EEF1AKMT2: variants seen among roughly 807,000 people sequenced by gnomAD.
EEF1AKMT2 encodes the protein EEF1A lysine methyltransferase 2.
In EEF1AKMT2, 32 loss-of-function variants were observed where a neutral mutation model predicts 35.8. That is an observed-to-expected ratio of 0.89 (90% CI 0.67 to 1.20). The LOEUF is 1.20. EEF1AKMT2 is among the 50% of genes most tolerant of loss of function. The pLI, the probability that EEF1AKMT2 is intolerant of heterozygous loss-of-function variation, is 0.00. For missense variants in EEF1AKMT2, 330 were observed against 347.5 expected (o/e 0.95, Z 0.40); for synonymous variants, 121 against 133.7 (o/e 0.91, Z 0.65).
chr10:124,785,633 C>A (rs1430491923), intron 3 of EEF1AKMT2, among the ~76,000 whole-genome samples: 1 of 152,136 alleles, frequency 6.6e-6, no homozygotes, highest in Non-Finnish European at 1.5e-5. Context: ...GTGGCTCACG[C>A]TTGTAATCCA....
chr10:124,791,846 C>A lies in EEF1AKMT2; in HGVS notation c.-13G>T. On this transcript the variant is annotated 5_prime_UTR_variant, in exon 1 of 7. Transcript: ENST00000368836. ...CGCCCGAGCTCATTTCGCTCCACGT[C>A]CTGGACGGCCGTTGGGGCCGCCATA... 1 of 1,557,482 alleles carries A rather than the reference C, an allele frequency of 6.4e-7. No individual in the cohort carries two copies. Among genetic ancestry groups the A allele is most frequent in the Non-Finnish European group, 8.6e-7 (1 of 1,157,910 alleles).
chr10:124,781,754 A>G (rs1035393491), intron 3 of EEF1AKMT2, among the ~76,000 whole-genome samples: 8 of 150,248 alleles, frequency 5.3e-5, no homozygotes, highest in Admixed American at 1.3e-4. Context: ...GACAGAAAGA[A>G]AAAAAAAAAG....
Position 124,786,288 on chromosome 10 carries a change from C to T in EEF1AKMT2, c.291+2755G>A, listed in dbSNP as rs140200061. Among the ~76,000 whole-genome samples, 7 of 151,988 alleles carry T rather than the reference C, an allele frequency of 4.6e-5. 1 individual carries two copies. Among genetic ancestry groups the T allele is most frequent in the African/African-American group, 1.7e-4 (7 of 41,486 alleles). The stretch of plus-strand genomic sequence containing the variant: ...TTGGGAGGCCAAGACGGGCAGATCA[C>T]GAGGTCAGGAGATCGAGACCATCCC... On this transcript the variant is annotated intron_variant, in intron 3 of 6. Transcript: ENST00000368836.
Position 124,791,788 on chromosome 10 carries a change from G to GCGCCGCCACCGCAGCGC in EEF1AKMT2, c.29_45dup (p.Arg16AlafsTer56), listed in dbSNP as rs1564912685. The GCGCCGCCACCGCAGCGC allele has an allele frequency of 1.9e-6, 3 of 1,592,420 alleles. No individual in the cohort carries two copies. The highest frequency in any genetic ancestry group is 2.2e-5 in the South Asian group (2 of 88,980). On this transcript the variant is annotated frameshift_variant, in exon 1 of 7. Coordinates refer to ENST00000368836, the MANE Select transcript of EEF1AKMT2 (RefSeq NM_212554.4). LOFTEE classifies it high-confidence loss of function. ...TCCCCGGGACTGCCCTTGTCCGACC[G>GCGCCGCCACCGCAGCGC]CGCCGCCACCGCAGCGCCACCGCCG...
At chr10:124,773,749 A>G (rs1281647157) in intron 4 of EEF1AKMT2, among the ~76,000 whole-genome samples, 2 of 152,228 alleles carry the variant, frequency 1.3e-5, no homozygotes, top group African/African-American at 2.4e-5. Flanking sequence ...ATGAATCACC[A>G]TAACAGATAA....
chr10:124,789,170 ATCAG>A lies in EEF1AKMT2; in HGVS notation c.177-17_177-14del, dbSNP rs780665467. ...CTCTTCTCCAAACCTGTTAGAGAGA[ATCAG>A]TCAAATAACTGAGGGATACAGAGCA... is the stretch of plus-strand genomic sequence containing the variant. On this transcript the variant is annotated splice_polypyrimidine_tract_variant and intron_variant, in intron 2 of 6. Transcript: ENST00000368836. 8.9e-6 allele frequency: 14 copies of A among 1,572,752 alleles called. No individual in the cohort carries two copies. The highest frequency in any genetic ancestry group is 1.2e-5 in the Non-Finnish European group (14 of 1,144,494).
At chr10:124,761,038 T>G (rs111557276) in intron 6 of EEF1AKMT2, among the ~76,000 whole-genome samples, 77 of 152,314 alleles carry the variant, frequency 5.1e-4, no homozygotes, top group African/African-American at 1.8e-3. Flanking sequence ...CGGCTAATTT[T>G]TCATATTTTA....
At position 124,781,196 on chromosome 10, in the gene EEF1AKMT2, G is replaced by A. The variant is rs202039703; in HGVS notation, c.292-6414C>T. 1.9e-3 allele frequency among the ~76,000 whole-genome samples: 281 copies of A among 151,800 alleles called. 7 individuals carry two copies. In the East Asian group the frequency reaches 0.038, roughly 20 times the overall value. ...CCCGACCTCGTGATCTGCCCGCCTC[G>A]GCCTCCCAAAATGCTGGGATTACAG... On this transcript the variant is annotated intron_variant, in intron 3 of 6. Transcript: ENST00000368836.
At chr10:124,789,890 A>T (rs1451372589) in intron 2 of EEF1AKMT2, among the ~76,000 whole-genome samples, 1 of 120,804 alleles carries the variant, frequency 8.3e-6, no homozygotes, top group Non-Finnish European at 1.7e-5. Flanking sequence ...AAGCACTTGA[A>T]TATATGCATT....
downstream of EEF1AKMT2, among the ~76,000 whole-genome samples, chr10:124,756,408 T>A (rs1950287520): frequency 6.6e-6 from 1 of 152,212 alleles, no homozygotes; most frequent in Non-Finnish European, 1.5e-5. Context: ...GTTTTTGAAG[T>A]CCTACTCCAG....
chr10:124,779,220 T>C (rs1050180247), intron 3 of EEF1AKMT2, among the ~76,000 whole-genome samples: 2 of 151,864 alleles, frequency 1.3e-5, no homozygotes, highest in African/African-American at 2.4e-5. Context: ...AGCCTCAACC[T>C]CCCCAGGCTC....
intron 6 of EEF1AKMT2, among the ~76,000 whole-genome samples, chr10:124,761,592 A>C (rs1488185130): frequency 6.6e-6 from 1 of 152,176 alleles, no homozygotes; most frequent in Non-Finnish European, 1.5e-5. Context: ...AGGTTCAAAA[A>C]ATTAACTTGG....
At chr10:124,780,361 T>C (rs1305345457) in intron 3 of EEF1AKMT2, among the ~76,000 whole-genome samples, 1 of 152,132 alleles carries the variant, frequency 6.6e-6, no homozygotes, top group African/African-American at 2.4e-5. Flanking sequence ...AAATTCACAT[T>C]GTGAAAAACC....
At chr10:124,769,381 T>C (rs1232855332) in intron 4 of EEF1AKMT2, among the ~76,000 whole-genome samples, 1 of 151,430 alleles carries the variant, frequency 6.6e-6, no homozygotes, top group Non-Finnish European at 1.5e-5. Context: ...CGGGAAAGAC[T>C]GGGGAAATCA....
chr10:124,787,136 C>T (rs1159054153), intron 3 of EEF1AKMT2, among the ~76,000 whole-genome samples: 2 of 61,066 alleles, frequency 3.3e-5, no homozygotes, highest in Admixed American at 2.1e-4. Flanking sequence ...TTAGTAGAGA[C>T]GGGGTTTCAC....
intron 3 of EEF1AKMT2, among the ~76,000 whole-genome samples, chr10:124,785,065 G>A (rs554980399): frequency 6.6e-6 from 1 of 151,860 alleles, no homozygotes; most frequent in East Asian, 1.9e-4. Flanking sequence ...TGGCCAATGT[G>A]GTGAAAGCCC....
At position 124,762,163 on chromosome 10, in the gene EEF1AKMT2, G is replaced by A. The variant is rs552495709; in HGVS notation, c.875+137C>T. 1.7e-5 allele frequency: 10 copies of A among 595,228 alleles called. No homozygotes were observed. The South Asian group carries it at 5.2e-4, about 31-fold the overall frequency. The allele number at this position is 595,228 out of a possible 1,614,324, so 36.9% of individuals were successfully genotyped here. A position where few individuals can be genotyped will look rare whatever the true frequency, so the allele number is the denominator to read the frequency against. ...CCAGCCTTAAGCTACTAACGCCAATGCGCCACCCCACGCCATCAAATTCAC... is the reference window on the plus strand; with the variant it reads ...CCAGCCTTAAGCTACTAACGCCAATACGCCACCCCACGCCATCAAATTCAC... On this transcript the variant is annotated intron_variant, in intron 6 of 6. Coordinates refer to ENST00000368836, the MANE Select transcript of EEF1AKMT2 (RefSeq NM_212554.4).
intron 3 of EEF1AKMT2, among the ~76,000 whole-genome samples, chr10:124,779,747 CAAAAAAAAAA>C (rs34475748): frequency 1.8e-4 from 5 of 28,172 alleles, no homozygotes; most frequent in Non-Finnish European, 2.6e-4. Flanking sequence ...GACTCCATCT[CAAAAAAAAAA>C]AAAAAAAAAA....
chr10:124,784,131 C>A (rs1299454447), intron 3 of EEF1AKMT2, among the ~76,000 whole-genome samples: 2 of 152,060 alleles, frequency 1.3e-5, no homozygotes, highest in Non-Finnish European at 2.9e-5. Context: ...GCAATACATA[C>A]ATTTTTCAAG....
Sources: gnomAD v4.1 joint callset for allele counts (sites outside exome capture counted in the v4.1 genomes callset) on GRCh38, gnomAD v4.1.1 for gene constraint, MANE v1.5 for transcripts, NCBI Gene and HGNC (gene_info 2026-07-23, HGNC 2026-07-21) for gene names.